The following PRELID2 variants were observed in gnomAD, a reference collection of about 807,000 sequenced individuals.
PRELID2 encodes the protein PRELI domain-containing protein 2.
A neutral mutation model predicts 28.4 loss-of-function variants in PRELID2; 25 were observed. The observed-to-expected ratio is 0.88, with a 90% CI of 0.64 to 1.23. PRELID2 has a LOEUF of 1.23. Ranked by LOEUF, PRELID2 falls within the 50% of genes most tolerant of loss-of-function variation. PRELID2 has a pLI of 0.00. For synonymous variants in PRELID2, 76 were observed against 71.6 expected (o/e 1.06, Z -0.31); for missense variants, 201 against 214.4 (o/e 0.94, Z 0.39).
intron 1 of PRELID2, among the ~76,000 whole-genome samples, chr5:145,499,835 G>A (rs574492589): frequency 6.6e-6 from 1 of 152,348 alleles, no homozygotes; most frequent in South Asian, 2.1e-4. Flanking sequence ...GAATGAATGA[G>A]ATTAATTCTT....
chr5:145,817,842 A>C, intron 4 of PRELID2, 52 bp downstream of exon 4: 1 of 1,427,876 alleles, frequency 7.0e-7, no homozygotes, highest in Non-Finnish European at 9.3e-7. Context: ...GTATGTACTC[A>C]TGTGTCCATC....
At chr5:145,373,059 T>A in the PRELID2 span, among the ~76,000 whole-genome samples, 1 of 84,668 alleles carries the variant, frequency 1.2e-5, no homozygotes, top group Non-Finnish European at 2.1e-5. Context: ...ACAACATATA[T>A]AATATATGAT....
chr5:145,576,570 C>T (rs181077777), intron 1 of PRELID2, among the ~76,000 whole-genome samples: 5 of 151,946 alleles, frequency 3.3e-5, no homozygotes, highest in Admixed American at 1.3e-4. Flanking sequence ...CCAGGGATTG[C>T]CTCCTACAGA....
downstream of PRELID2, among the ~76,000 whole-genome samples, chr5:145,469,441 A>G (rs1425393999): frequency 9.2e-5 from 14 of 152,086 alleles, no homozygotes; most frequent in Admixed American, 9.2e-4. Flanking sequence ...ATGTTTCACA[A>G]AGGAGTGGCC....
chr5:145,626,591 A>G (rs1479139804), intron 1 of PRELID2, among the ~76,000 whole-genome samples: 3 of 152,200 alleles, frequency 2.0e-5, no homozygotes, highest in Admixed American at 6.5e-5. Context: ...AGTTAACACA[A>G]CTTCTATGGA....
intron 1 of PRELID2, among the ~76,000 whole-genome samples, chr5:145,509,161 T>C (rs1180922541): frequency 2.0e-5 from 3 of 152,160 alleles, no homozygotes; most frequent in Non-Finnish European, 4.4e-5. Context: ...ATCCGTGATA[T>C]GGGTTAACAA....
the PRELID2 span, among the ~76,000 whole-genome samples, chr5:145,299,635 A>ATATGTGTGTG: frequency 4.8e-4 from 52 of 107,612 alleles, 2 homozygotes; most frequent in East Asian, 0.011. Context: ...CTACATATAT[A>ATATGTGTGTG]TGTGTGTGCG....
At chr5:145,262,193 G>A in the PRELID2 span, among the ~76,000 whole-genome samples, 1 of 151,778 alleles carries the variant, frequency 6.6e-6, no homozygotes, top group East Asian at 1.9e-4. Context: ...TAAGAAATTT[G>A]GGATTATGTT....
intron 1 of PRELID2, among the ~76,000 whole-genome samples, chr5:145,691,969 G>A (rs1755159642): frequency 6.6e-6 from 1 of 152,036 alleles, no homozygotes; most frequent in Non-Finnish European, 1.5e-5. Flanking sequence ...ATACCACCCT[G>A]GCCACCTGAT....
At position 145,796,474 on chromosome 5, in the gene PRELID2, CA is replaced by C. The variant is rs746239766; in HGVS notation, c.441del (p.Phe147LeufsTer21). On this transcript the variant is annotated frameshift_variant, in exon 5 of 7. Coordinates refer to ENST00000683046, the MANE Select transcript of PRELID2 (RefSeq NM_205846.3). LOFTEE classifies it high-confidence loss of function. Reference protein sequence around the residue: ...VGFLNCVLETFASTFLRQGAQ... With the variant: ...VGFLNCVLETXASTFLRQGAQ... The stretch of plus-strand genomic sequence containing the variant: ...GCTCCCTGTCGTAAGAATGTGCTGG[CA>C]AAAGTTTCTAAAACACAGTTGAGAA... 6.8e-6 allele frequency: 11 copies of C among 1,610,388 alleles called. No homozygotes were observed. Among genetic ancestry groups the C allele is most frequent in the Admixed American group, 1.7e-5 (1 of 59,650 alleles).
At chr5:145,241,279 C>T in the PRELID2 span, among the ~76,000 whole-genome samples, 3 of 151,776 alleles carry the variant, frequency 2.0e-5, no homozygotes, top group Non-Finnish European at 2.9e-5. Flanking sequence ...CTTGAAGACA[C>T]GATTCTCATT....
At chr5:145,381,382 T>C in the PRELID2 span, among the ~76,000 whole-genome samples, 3 of 152,146 alleles carry the variant, frequency 2.0e-5, no homozygotes, top group South Asian at 2.1e-4. Context: ...AATCTACATA[T>C]TGGGTTGGTG....
chr5:145,564,688 C>T (rs900704240), intron 1 of PRELID2, among the ~76,000 whole-genome samples: 2 of 152,236 alleles, frequency 1.3e-5, no homozygotes, highest in African/African-American at 2.4e-5. Context: ...CACAGCTCTA[C>T]AGACCACTGT....
intron 1 of PRELID2, among the ~76,000 whole-genome samples, chr5:145,714,466 A>G (rs2149712602): frequency 6.6e-6 from 1 of 152,150 alleles, no homozygotes; most frequent in East Asian, 1.9e-4. Context: ...TGAAAATAAG[A>G]ATCAAATCGT....
intron 1 of PRELID2, among the ~76,000 whole-genome samples, chr5:145,741,402 ACAAAATTTATTTATAAT>A (rs1756734486): frequency 9.5e-6 from 1 of 104,986 alleles, no homozygotes; most frequent in Non-Finnish European, 1.7e-5. Context: ...TTATATATAA[ACAAAATTTATTTATAAT>A]TTATTTATAT....
chr5:145,412,402 G>C, the PRELID2 span, among the ~76,000 whole-genome samples: 1 of 152,096 alleles, frequency 6.6e-6, no homozygotes, highest in Non-Finnish European at 1.5e-5. Flanking sequence ...TCTTTGCATA[G>C]CAAGAATAGC....
At chr5:145,702,171 C>T (rs926957090) in intron 1 of PRELID2, among the ~76,000 whole-genome samples, 12 of 151,980 alleles carry the variant, frequency 7.9e-5, no homozygotes, top group African/African-American at 2.7e-4. Flanking sequence ...AATGCCATCC[C>T]TATAAACACT....
chr5:145,629,413 G>C (rs1173310491), intron 1 of PRELID2, among the ~76,000 whole-genome samples: 3 of 152,160 alleles, frequency 2.0e-5, no homozygotes, highest in Non-Finnish European at 4.4e-5. Context: ...GACAGATAAG[G>C]AGTGCTGGGT....
chr5:145,724,600 AATATATATATATATATATATATAT>A lies in PRELID2; in HGVS notation n.70+40307_70+40330del, dbSNP rs59677300. The stretch of plus-strand genomic sequence containing the variant: ...ACACTGAAATAACAAGAAGTAAATA[AATATATATATATATATATATATAT>A]ATATATATATATATATATATATAAT... On this transcript the variant is annotated intron_variant and non_coding_transcript_variant, in intron 1 of 2. Coordinates refer to the PRELID2 transcript ENST00000510259. Among the ~76,000 whole-genome samples, 101 of 24,778 alleles carry A rather than the reference AATATATATATATATATATATATAT, an allele frequency of 4.1e-3. 1 individual carries two copies. Among genetic ancestry groups the A allele is most frequent in the Middle Eastern group, 0.067 (2 of 30 alleles). The allele number at this position is 24,778 out of a possible 152,430, so 16.3% of individuals were successfully genotyped here.
Sources: allele counts gnomAD v4.1 joint callset (sites outside exome capture counted in the v4.1 genomes callset), GRCh38; gene constraint gnomAD v4.1.1; transcripts MANE v1.5; gene names NCBI Gene and HGNC (gene_info 2026-07-23, HGNC 2026-07-21).